The following ZNF101 variants were observed in gnomAD, a reference collection of about 807,000 sequenced individuals.
The protein encoded by ZNF101 is zinc finger protein 101, also known as zinc finger protein 101 (Y2).
In ZNF101, 34 loss-of-function variants were observed where a neutral mutation model predicts 42.6. That is an observed-to-expected ratio of 0.80 (90% CI 0.61 to 1.06). The LOEUF (loss-of-function observed/expected upper bound fraction) is 1.06. ZNF101 is among the 50% of genes least tolerant of loss of function. The pLI is 0.00. For missense variants in ZNF101, 466 were observed against 530.9 expected (o/e 0.88, Z 1.20); for synonymous variants, 158 against 183.9 (o/e 0.86, Z 1.14).
rs1227762167 is a variant in ZNF101 at position 19,681,322 on chromosome 19, C to CT, written c.*1023dup. The CT allele has an allele frequency of 2.0e-5, 3 of 152,196 alleles. No individual in the cohort carries two copies. Among genetic ancestry groups the CT allele is most frequent in the East Asian group, 3.8e-4 (2 of 5,200 alleles). The allele number at this position is 152,196 out of a possible 1,614,324, so 9.4% of individuals were successfully genotyped here. A position where few individuals can be genotyped will look rare whatever the true frequency, so the allele number is the denominator to read the frequency against. On this transcript the variant is annotated 3_prime_UTR_variant, in exon 4 of 4. Transcript: ENST00000592502. Reference sequence around the variant, plus strand: ...GAAATGTACAGAATATGGGGAAACTCTCATTGCTCTCATCTCCATTCAAAG... The same window carrying CT: ...GAAATGTACAGAATATGGGGAAACTCTTCATTGCTCTCATCTCCATTCAAAG...
intron 1 of ZNF101, among the ~76,000 whole-genome samples, chr19:19,672,684 C>T (rs2062178241): frequency 6.6e-6 from 1 of 152,080 alleles, no homozygotes; most frequent in African/African-American, 2.4e-5. Context: ...TGCCACCACG[C>T]CCAGCCAATT....
upstream of ZNF101, among the ~76,000 whole-genome samples, chr19:19,668,354 G>GAGAT (rs2062145033): frequency 6.6e-6 from 1 of 152,070 alleles, no homozygotes; most frequent in Admixed American, 6.6e-5. Flanking sequence ...CCGCATCCTG[G>GAGAT]AGATGTTTTT....
Position 19,678,794 on chromosome 19 carries a change from C to A in ZNF101, c.191+8C>A, listed in dbSNP as rs781602289. ...CCTGGGGATTAAGCTAAGGTAATCT[C>A]CACTCACAAGAGGAAGCAGTGTCTC... On this transcript the variant is annotated splice_region_variant and intron_variant, in intron 3 of 3. Coordinates refer to ENST00000592502, the MANE Select transcript of ZNF101 (RefSeq NM_033204.4). The A allele has an allele frequency of 6.2e-7, 1 of 1,607,374 alleles. No individual in the cohort carries two copies. The highest frequency in any genetic ancestry group is 1.3e-5 in the African/African-American group (1 of 74,558).
chr19:19,671,066 C>T (rs1474510006), intron 1 of ZNF101, among the ~76,000 whole-genome samples: 1 of 152,140 alleles, frequency 6.6e-6, no homozygotes, highest in Non-Finnish European at 1.5e-5. Context: ...GAGATCGCGC[C>T]ACTGCACTCC....
At chr19:19,679,154 T>C in intron 3 of ZNF101, 27 bp from the exon 4 acceptor site, 2 of 1,601,366 alleles carry the variant, frequency 1.2e-6, no homozygotes, top group Non-Finnish European at 1.7e-6. Context: ...AACCAAGCAT[T>C]GATAATGCGT....
chr19:19,668,328 G>A (rs1002654478), upstream of ZNF101, among the ~76,000 whole-genome samples: 2 of 152,086 alleles, frequency 1.3e-5, no homozygotes, highest in African/African-American at 4.8e-5. Context: ...CTGAGTCGGG[G>A]GTGCAGGTGT....
intron 1 of ZNF101, among the ~76,000 whole-genome samples, chr19:19,672,774 A>G (rs2062178823): frequency 6.6e-6 from 1 of 151,360 alleles, no homozygotes. Context: ...CAATCCTCCC[A>G]CTTCGACCTC....
In ZNF101 at chr19:19,679,790, C is replaced by T. The variant is rs775606195; in HGVS notation, c.801C>T (p.Tyr267=). The T allele has an allele frequency of 1.1e-5, 17 of 1,613,556 alleles. No individual in the cohort carries two copies. Among genetic ancestry groups the T allele is most frequent in the African/African-American group, 2.7e-5 (2 of 74,964 alleles). The stretch of plus-strand genomic sequence containing the variant: ...GTAAAGCCTTCATTTCCGCAGGTTA[C>T]CTTCGGACACATGAAATCAGATCTC... ...QCGKAFISAG[Y]LRTHEIRSHA... Residue 267 remains tyrosine (Y), a synonymous_variant, in exon 4 of 4, where the codon TAC becomes TAT. Transcript: ENST00000592502.
In ZNF101 at chr19:19,680,140, A is replaced by G. The variant is rs1234080671; in HGVS notation, c.1151A>G (p.His384Arg). 3.1e-6 allele frequency: 5 copies of G among 1,613,320 alleles called. No individual in the cohort carries two copies. Among genetic ancestry groups the G allele is most frequent in the Admixed American group, 3.3e-5 (2 of 59,786 alleles). ...GGGTGGTGCAGTTCCCTCCGAAGAC[A>G]TGAAATGACTCACACTGGAGAAAAA... ...AFGWCSSLRR[H>R]EMTHTGEKPF... is the part of the protein sequence containing the mutation. Residue 384 changes from histidine (H) to arginine (R), a missense_variant, in exon 4 of 4, where the codon CAT becomes CGT. Coordinates refer to ENST00000592502, the MANE Select transcript of ZNF101 (RefSeq NM_033204.4).
intron 1 of ZNF101, 22 bp downstream of exon 1, chr19:19,668,988 T>A: frequency 1.3e-6 from 2 of 1,581,048 alleles, no homozygotes; most frequent in South Asian, 1.2e-5. Flanking sequence ...GAGCCGGGCG[T>A]CCGGAGACCT....
chr19:19,672,240 G>A (rs1169266193), intron 1 of ZNF101: 1 of 151,532 alleles, frequency 6.6e-6, no homozygotes, highest in Non-Finnish European at 1.5e-5. Context: ...CCAGGCTGGA[G>A]TGCAATGGTA....
chr19:19,680,146 T>C lies in ZNF101; in HGVS notation c.1157T>C (p.Met386Thr), dbSNP rs1257456359. The change falls in exon 4 of 4, where the codon ATG (methionine) becomes ACG (threonine). Residue 386 changes from methionine to threonine, a missense_variant. Met to Thr is a moderately conservative substitution (Grantham distance 81). Transcript: ENST00000592502. ...TGCAGTTCCCTCCGAAGACATGAAA[T>C]GACTCACACTGGAGAAAAACCCTTT... is the stretch of plus-strand genomic sequence containing the variant. ...GWCSSLRRHE[M>T]THTGEKPFDC... 1 of 1,612,052 alleles carries C rather than the reference T, an allele frequency of 6.2e-7. No homozygotes were observed. Among genetic ancestry groups the C allele is most frequent in the South Asian group, 1.1e-5 (1 of 90,676 alleles).
chr19:19,675,769 G>GCACTTCGCTA, intron 1 of ZNF101, among the ~76,000 whole-genome samples: 1 of 152,272 alleles, frequency 6.6e-6, no homozygotes, highest in South Asian at 2.1e-4. Context: ...AGCACTTTCA[G>GCACTTCGCTA]AGGCGAAGGT....
At chr19:19,675,608 G>T (rs1032131450) in intron 1 of ZNF101, among the ~76,000 whole-genome samples, 1 of 152,108 alleles carries the variant, frequency 6.6e-6, no homozygotes, top group Non-Finnish European at 1.5e-5. Flanking sequence ...AGCCTGAGTT[G>T]TACAGTTTTT....
Position 19,680,167 on chromosome 19 carries a change from C to T in ZNF101, c.1178C>T (p.Pro393Leu). 1 of 1,611,552 alleles carries T rather than the reference C, an allele frequency of 6.2e-7. No individual in the cohort carries two copies. Among genetic ancestry groups the T allele is most frequent in the Non-Finnish European group, 8.5e-7 (1 of 1,179,370 alleles). ...GAAATGACTCACACTGGAGAAAAAC[C>T]CTTTGATTGTAAACAGTGTGGTAAA... ...RHEMTHTGEK[P>L]FDCKQCGKVF... The change falls in exon 4 of 4, where the codon CCC becomes CTC. Residue 393 changes from proline to leucine, a missense_variant. By Grantham distance (98) the Pro-to-Leu change is moderately conservative. Coordinates refer to ENST00000592502, the MANE Select transcript of ZNF101 (RefSeq NM_033204.4).
intron 1 of ZNF101, among the ~76,000 whole-genome samples, chr19:19,675,287 A>G (rs1180928352): frequency 6.6e-6 from 1 of 151,650 alleles, no homozygotes; most frequent in Non-Finnish European, 1.5e-5. Flanking sequence ...ACCGGCGTCC[A>G]CCACCATGCC....
Position 19,679,184 on chromosome 19 carries a change from T to G in ZNF101, c.195T>G (p.Ser65Arg). The change falls in exon 4 of 4, where the codon AGT (serine) becomes AGG (arginine). Residue 65 changes from serine (S) to arginine (R), a missense_variant. Transcript: ENST00000592502. ...LYQNLGIKLR[S>R]LVERLCGRKE... is the part of the protein sequence containing the mutation. ...ATGCGTTTGTCATTTTTCATAGAAG[T>G]CTGGTGGAGAGACTCTGTGGACGTA... The G allele has an allele frequency of 6.2e-7, 1 of 1,609,976 alleles. No individual in the cohort carries two copies. The highest frequency in any genetic ancestry group is 8.5e-7 in the Non-Finnish European group (1 of 1,177,076).
At chr19:19,670,978 C>T (rs912642928) in intron 1 of ZNF101, among the ~76,000 whole-genome samples, 2 of 152,120 alleles carry the variant, frequency 1.3e-5, no homozygotes, top group African/African-American at 2.4e-5. Context: ...TGGTGGCGAG[C>T]GCCTGTAGTC....
Position 19,680,224 on chromosome 19 carries a change from A to G in ZNF101, c.1235A>G (p.His412Arg), listed in dbSNP as rs770580177. ...VFTFSNYLRL[H>R]ERTHLAGRSQ... The stretch of plus-strand genomic sequence containing the variant: ...ACTTTTTCAAATTACCTTAGACTTC[A>G]TGAAAGAACTCATTTGGCCGGGCGT... Residue 412 changes from histidine (H) to arginine (R), a missense_variant, in exon 4 of 4, where the codon CAT becomes CGT. By Grantham distance (29) the His-to-Arg change is conservative. Coordinates refer to ENST00000592502, the MANE Select transcript of ZNF101 (RefSeq NM_033204.4). 6.3e-7 allele frequency: 1 copy of G among 1,582,104 alleles called. No homozygotes were observed. Among genetic ancestry groups the G allele is most frequent in the South Asian group, 1.2e-5 (1 of 85,654 alleles).
Sources: allele counts gnomAD v4.1 joint callset (sites outside exome capture counted in the v4.1 genomes callset), GRCh38; gene constraint gnomAD v4.1.1; transcripts MANE v1.5; gene names NCBI Gene and HGNC (gene_info 2026-07-23, HGNC 2026-07-21).